The following UNC13C variants were observed in gnomAD, a reference collection of about 807,000 sequenced individuals.
UNC13C encodes the protein unc-13 homolog C, also known as protein unc-13 homolog C.
Under a neutral mutation model 245.4 loss-of-function variants are expected in UNC13C, and 174 were observed. That is an observed-to-expected ratio of 0.71 (90% confidence interval 0.63 to 0.80). UNC13C has a LOEUF of 0.80. UNC13C is among the 30% of genes least tolerant of loss of function. The pLI is 0.00. For missense variants in UNC13C, 2,829 were observed against 2,602.9 expected (o/e 1.09, Z -1.89); for synonymous variants, 992 against 895.1 (o/e 1.11, Z -1.93).
chr15:53,926,419 A>C, the UNC13C span, among the ~76,000 whole-genome samples: 1 of 152,334 alleles, frequency 6.6e-6, no homozygotes, highest in East Asian at 1.9e-4. Context: ...AAGGGATATC[A>C]TATGTTTTAA....
intron 29 of UNC13C, among the ~76,000 whole-genome samples, chr15:54,557,286 A>G (rs932107162): frequency 2.0e-5 from 3 of 151,778 alleles, no homozygotes; most frequent in Non-Finnish European, 4.4e-5. Context: ...CTGTGATGCC[A>G]ACTCTTTCTC....
chr15:54,542,347 C>T (rs1327914827), intron 26 of UNC13C, among the ~76,000 whole-genome samples: 8 of 152,078 alleles, frequency 5.3e-5, no homozygotes, highest in Non-Finnish European at 1.2e-4. Flanking sequence ...AATTTGATTG[C>T]ACTGTGGTCT....
chr15:54,334,150 A>G (rs2038513765), intron 16 of UNC13C, among the ~76,000 whole-genome samples: 1 of 152,126 alleles, frequency 6.6e-6, no homozygotes, highest in Non-Finnish European at 1.5e-5. Flanking sequence ...TTTCCAAAGA[A>G]TGTTAAATGG....
At chr15:54,315,584 T>G (rs1467382753) in intron 13 of UNC13C, among the ~76,000 whole-genome samples, 1 of 151,762 alleles carries the variant, frequency 6.6e-6, no homozygotes, top group Non-Finnish European at 1.5e-5. Context: ...ATATTTTCCC[T>G]AGGTAATCTT....
intron 30 of UNC13C, among the ~76,000 whole-genome samples, chr15:54,620,433 T>C (rs1308230451): frequency 1.3e-5 from 2 of 152,186 alleles, no homozygotes; most frequent in Admixed American, 1.3e-4. Flanking sequence ...ACTAAGGACA[T>C]CAAAACTCAC....
intron 19 of UNC13C, among the ~76,000 whole-genome samples, chr15:54,456,857 G>A (rs1032738577): frequency 3.3e-5 from 5 of 151,688 alleles, no homozygotes; most frequent in South Asian, 2.1e-4. Flanking sequence ...TTACTGATTC[G>A]GATGCCCTTC....
At chr15:54,018,145 G>T (rs538692504) in intron 2 of UNC13C, among the ~76,000 whole-genome samples, 3 of 152,120 alleles carry the variant, frequency 2.0e-5, no homozygotes, top group Non-Finnish European at 4.4e-5. Flanking sequence ...CATTTTCCAG[G>T]CCCCTTTCCT....
the UNC13C span, among the ~76,000 whole-genome samples, chr15:53,884,095 C>T: frequency 8.3e-6 from 1 of 121,194 alleles, no homozygotes; most frequent in Non-Finnish European, 1.7e-5. Flanking sequence ...TTGAGACCAT[C>T]ATTGTTGTTA....
chr15:54,068,648 G>A (rs1468395844), intron 2 of UNC13C, among the ~76,000 whole-genome samples: 2 of 152,128 alleles, frequency 1.3e-5, no homozygotes, highest in African/African-American at 4.8e-5. Context: ...ATGATTATAA[G>A]TATATAACTG....
At chr15:53,959,818 AT>A in the UNC13C span, among the ~76,000 whole-genome samples, 3 of 152,210 alleles carry the variant, frequency 2.0e-5, no homozygotes, top group African/African-American at 7.2e-5. Flanking sequence ...CATAAAGTGG[AT>A]TTCTATTTAT....
downstream of UNC13C, chr15:54,629,209 T>TGTTA (rs1283190759): frequency 9.0e-6 from 1 of 111,406 alleles, no homozygotes; most frequent in East Asian, 2.1e-4. Flanking sequence ...ACTACATGTT[T>TGTTA]GTTATCACAA....
chr15:54,307,266 A>G (rs1258181494), intron 13 of UNC13C, among the ~76,000 whole-genome samples: 2 of 151,854 alleles, frequency 1.3e-5, no homozygotes, highest in African/African-American at 4.8e-5. Context: ...GACGAGGGCC[A>G]TTTCCTGGTT....
chr15:54,387,813 A>G (rs1029368154), intron 17 of UNC13C, among the ~76,000 whole-genome samples: 2 of 152,126 alleles, frequency 1.3e-5, no homozygotes, highest in African/African-American at 4.8e-5. Context: ...TCAGGCTTAC[A>G]TCTATCTTGC....
the UNC13C span, chr15:53,913,319 A>G: frequency 6.6e-6 from 1 of 152,198 alleles, no homozygotes; most frequent in Non-Finnish European, 1.5e-5. Context: ...GTGACCACAG[A>G]TAGTTTCAGT....
the UNC13C span, among the ~76,000 whole-genome samples, chr15:53,887,284 G>C: frequency 6.6e-6 from 1 of 152,092 alleles, no homozygotes; most frequent in African/African-American, 2.4e-5. Flanking sequence ...CATTAAAAAT[G>C]TCAGTTATTG....
At chr15:54,229,422 C>T (rs975898853) in intron 4 of UNC13C, among the ~76,000 whole-genome samples, 4 of 152,142 alleles carry the variant, frequency 2.6e-5, no homozygotes, top group African/African-American at 9.7e-5. Flanking sequence ...GGCTTCTATT[C>T]AGCCATGTTG....
chr15:54,251,477 C>A (rs1011647758), intron 8 of UNC13C, among the ~76,000 whole-genome samples: 2 of 152,190 alleles, frequency 1.3e-5, no homozygotes, highest in Non-Finnish European at 2.9e-5. Context: ...TCCTTTCACA[C>A]TCTTGAATGA....
In UNC13C at chr15:54,616,961, G is replaced by C. The variant is rs115763224; in HGVS notation, c.6107-5366G>C. On this transcript the variant is annotated intron_variant, in intron 30 of 32. Coordinates refer to ENST00000260323, the MANE Select transcript of UNC13C (RefSeq NM_001080534.3). ...AGCTATGTTTAGATACACAAATACA[G>C]GTGTTACAACTGCTTACACTATTCA... Among the ~76,000 whole-genome samples the C allele has an allele frequency of 2.0e-3, 297 of 152,086 alleles. 3 individuals carry two copies. The highest frequency in any genetic ancestry group is 6.8e-3 in the African/African-American group (284 of 41,520).
the UNC13C span, among the ~76,000 whole-genome samples, chr15:53,849,652 C>T: frequency 6.6e-6 from 1 of 151,922 alleles, no homozygotes; most frequent in Admixed American, 6.6e-5. Context: ...TGCATGTTTT[C>T]ATTTTTAATG....
Sources: gnomAD v4.1 joint callset for allele counts (sites outside exome capture counted in the v4.1 genomes callset) on GRCh38, gnomAD v4.1.1 for gene constraint, MANE v1.5 for transcripts, NCBI Gene and HGNC (gene_info 2026-07-23, HGNC 2026-07-21) for gene names.